SLC19A1: variants seen among roughly 807,000 people sequenced by gnomAD.
SLC19A1 encodes the protein solute carrier family 19 member 1.
In SLC19A1, 37 loss-of-function variants were observed where a neutral mutation model predicts 35.3. That is an observed-to-expected ratio of 1.05 (90% CI 0.81 to 1.38). SLC19A1 has a LOEUF of 1.38. SLC19A1 is among the 40% of genes most tolerant of loss of function. SLC19A1 has a pLI of 0.00. For synonymous variants in SLC19A1, 460 were observed against 398.5 expected (o/e 1.15, Z -1.84); for missense variants, 831 against 826.9 (o/e 1.00, Z -0.06).
chr21:45,546,219 A>G (rs2078414172), upstream of SLC19A1, among the ~76,000 whole-genome samples: 1 of 152,256 alleles, frequency 6.6e-6, no homozygotes, highest in Non-Finnish European at 1.5e-5. Context: ...CAGAAGCCAG[A>G]AGCCCTGTGG....
intron 4 of SLC19A1, among the ~76,000 whole-genome samples, chr21:45,528,830 T>C (rs1420817277): frequency 1.3e-5 from 2 of 152,218 alleles, no homozygotes; most frequent in African/African-American, 4.8e-5. Flanking sequence ...TCTGCATCTG[T>C]GTCTGGCATC....
At chr21:45,556,293 G>A (rs912324599) in intron 1 of SLC19A1, among the ~76,000 whole-genome samples, 8 of 152,184 alleles carry the variant, frequency 5.3e-5, no homozygotes, top group Non-Finnish European at 1.2e-4. Flanking sequence ...AGAAAGACCG[G>A]GCGGACCCAA....
downstream of SLC19A1, chr21:45,509,651 C>A: frequency 1.0e-6 from 1 of 995,322 alleles, no homozygotes; most frequent in Non-Finnish European, 1.5e-6. Context: ...CCTCGGCTCT[C>A]GGCAGCAGAA....
In SLC19A1 at chr21:45,534,693, C is replaced by A; in HGVS notation, c.190-2545G>T. ...GAGCCCTCCCGCTCCTCTCCCTGCA[C>A]CTCCTCAACGGCCCCTACTCCCTCT... On this transcript the variant is annotated intron_variant, in intron 2 of 5. Coordinates refer to ENST00000311124, the MANE Select transcript of SLC19A1 (RefSeq NM_194255.4). This position sits in a 1 kb window ranked among gnomAD's most constrained non-coding sequence, Gnocchi z 4.2. 3.7e-6 allele frequency: 4 copies of A among 1,086,408 alleles called. No individual in the cohort carries two copies. The highest frequency in any genetic ancestry group is 1.6e-5 in the African/African-American group (1 of 64,448). 67.3% of individuals were successfully genotyped at this position (1,086,408 alleles called of 1,614,324 possible).
upstream of SLC19A1, among the ~76,000 whole-genome samples, chr21:45,543,363 TAAG>T (rs1206896028): frequency 1.3e-5 from 2 of 152,060 alleles, no homozygotes; most frequent in African/African-American, 4.8e-5. Flanking sequence ...GCCCCAAGGC[TAAG>T]GAGGAGCCAG....
At chr21:45,546,194 C>G (rs943891009), upstream of SLC19A1, among the ~76,000 whole-genome samples, 2 of 152,270 alleles carry the variant, frequency 1.3e-5, no homozygotes, top group Non-Finnish European at 2.9e-5. Flanking sequence ...GTCCTCAGCA[C>G]CTTGTCTGTG....
rs2078278327 is a variant in SLC19A1, at chr21:45,540,741, G to A, written c.-50+1627C>T. The stretch of plus-strand genomic sequence containing the variant: ...CCCATACAGCTTGAGGCCTCTTCCC[G>A]GCATCTGAAGGAAGTCCCCGACCAG... On this transcript the variant is annotated intron_variant, in intron 1 of 5. Coordinates refer to ENST00000311124, the MANE Select transcript of SLC19A1 (RefSeq NM_194255.4). The surrounding 1 kb of genome is among the most constrained non-coding windows in gnomAD (Gnocchi z 5.5). Among the ~76,000 whole-genome samples, 1 of 152,174 alleles carries A rather than the reference G, an allele frequency of 6.6e-6. No individual in the cohort carries two copies. The highest frequency in any genetic ancestry group is 1.9e-4 in the East Asian group (1 of 5,164).
chr21:45,556,357 G>A (rs905833202), intron 1 of SLC19A1, among the ~76,000 whole-genome samples: 3 of 152,220 alleles, frequency 2.0e-5, no homozygotes, highest in Non-Finnish European at 2.9e-5. Flanking sequence ...AGGGCCGAGG[G>A]TGGACGCTGC....
At chr21:45,526,007 C>T in intron 4 of SLC19A1, 49 bp from the exon 5 acceptor site, 11 of 1,595,156 alleles carry the variant, frequency 6.9e-6, no homozygotes, top group Non-Finnish European at 9.4e-6. Context: ...GAATAAGCAG[C>T]AGCCACAGGG....
In SLC19A1 at chr21:45,533,117, C is replaced by G. The variant is rs2077989541; in HGVS notation, c.190-969G>C. On this transcript the variant is annotated intron_variant, in intron 2 of 5. Coordinates refer to ENST00000311124, the MANE Select transcript of SLC19A1 (RefSeq NM_194255.4). This position sits in a 1 kb window ranked among gnomAD's most constrained non-coding sequence, Gnocchi z 4.5. ...GCCCCTGTAGCCGCCCTGCACCCTC[C>G]CAGGAGGGGGAGCACAGGCTGTCAG... 6.6e-6 allele frequency among the ~76,000 whole-genome samples: 1 copy of G among 152,176 alleles called. No homozygotes were observed. The highest frequency in any genetic ancestry group is 2.4e-5 in the African/African-American group (1 of 41,452).
Position 45,534,923 on chromosome 21 carries a change from G to A in SLC19A1, c.190-2775C>T, listed in dbSNP as rs776734653. On this transcript the variant is annotated intron_variant, in intron 2 of 5. Transcript: ENST00000311124. The surrounding 1 kb of genome is among the most constrained non-coding windows in gnomAD (Gnocchi z 4.2). The stretch of plus-strand genomic sequence containing the variant: ...CCTGCTCTCCACAGGTCTTGGTTGG[G>A]GTCCAGGCTGAATGGGCAGAGTGCA... 6.6e-6 allele frequency among the ~76,000 whole-genome samples: 1 copy of A among 152,272 alleles called. No homozygotes were observed. Among genetic ancestry groups the A allele is most frequent in the Non-Finnish European group, 1.5e-5 (1 of 68,052 alleles).
intron 2 of SLC19A1, 47 bp downstream of exon 2, chr21:45,537,720 CCCCG>C (rs769022985): frequency 0.094 from 8,974 of 95,186 alleles, no homozygotes; most frequent in Admixed American, 0.14. Context: ...AGACGCTGCT[CCCCG>C]CCCACCCACC....
chr21:45,528,295 G>A lies in SLC19A1; in HGVS notation c.1152-2337C>T, dbSNP rs570165356. On this transcript the variant is annotated intron_variant, in intron 4 of 5. Transcript: ENST00000311124. Reference sequence around the variant, plus strand: ...CCAAGGACACTCAGAAACACTGTGAGTTGAATTAAAGGCAGACGAGTGTGG... The same window carrying A: ...CCAAGGACACTCAGAAACACTGTGAATTGAATTAAAGGCAGACGAGTGTGG... 2.0e-5 allele frequency among the ~76,000 whole-genome samples: 3 copies of A among 152,322 alleles called. No homozygotes were observed. In the East Asian group the frequency reaches 5.8e-4, roughly 29 times the overall value.
intron 1 of SLC19A1, among the ~76,000 whole-genome samples, chr21:45,555,533 GGGCGGC>G (rs2078551525): frequency 6.9e-6 from 1 of 145,164 alleles, no homozygotes; most frequent in African/African-American, 2.6e-5. Context: ...GAGGTGCAGG[GGGCGGC>G]GGCGGGGGCG....
At chr21:45,510,436 C>T (rs979080202), downstream of SLC19A1, among the ~76,000 whole-genome samples, 2 of 152,156 alleles carry the variant, frequency 1.3e-5, no homozygotes, top group African/African-American at 4.8e-5. Flanking sequence ...CCTCCAGGCT[C>T]AGGCCAGGCC....
rs2077997936 is a variant in SLC19A1, at chr21:45,533,310, A to G, written c.190-1162T>C. 6.6e-6 allele frequency among the ~76,000 whole-genome samples: 1 copy of G among 151,966 alleles called. No individual in the cohort carries two copies. The highest frequency in any genetic ancestry group is 2.4e-5 in the African/African-American group (1 of 41,326). ...AGCTGGGCACGGGGCTGGGGGTGCT[A>G]CCTCCTACAGGACAAGGTCAGAGGA... On this transcript the variant is annotated intron_variant, in intron 2 of 5. Transcript: ENST00000311124. The surrounding 1 kb of genome is among the most constrained non-coding windows in gnomAD (Gnocchi z 4.5).
At chr21:45,537,057 C>T (rs1471755482) in intron 2 of SLC19A1, among the ~76,000 whole-genome samples, 1 of 152,182 alleles carries the variant, frequency 6.6e-6, no homozygotes, top group Non-Finnish European at 1.5e-5. Flanking sequence ...ATGAAAATTC[C>T]TTCAATAATC....
chr21:45,505,122 C>T lies in SLC19A1; in HGVS notation c.498-6510G>A, dbSNP rs755471740. 47 of 1,606,738 alleles carry T rather than the reference C, an allele frequency of 2.9e-5. No individual in the cohort carries two copies. Among genetic ancestry groups the T allele is most frequent in the Admixed American group, 1.8e-4 (11 of 59,584 alleles). On this transcript the variant is annotated intron_variant, in intron 3 of 4. Coordinates refer to the SLC19A1 transcript ENST00000417954. The stretch of plus-strand genomic sequence containing the variant: ...GAGGTAACCAGGAAGCGTCTCTTGT[C>T]GCCGTCCGTAGGGTCCCAAGGGAGA...
At chr21:45,506,998 T>TTAAAAAA in intron 3 of SLC19A1, 2 of 287,544 alleles carry the variant, frequency 7.0e-6, no homozygotes, top group South Asian at 3.2e-5. Context: ...AGCCCCATCC[T>TTAAAAAA]AACTTTCAGG....
Sources: allele counts gnomAD v4.1 joint callset (sites outside exome capture counted in the v4.1 genomes callset), GRCh38; gene constraint gnomAD v4.1.1; non-coding constraint Gnocchi (gnomAD v3.1); transcripts MANE v1.5; gene names NCBI Gene and HGNC (gene_info 2026-07-23, HGNC 2026-07-21).